ABHD6: variants seen among roughly 807,000 people sequenced by gnomAD.
ABHD6 encodes abhydrolase domain containing 6, acylglycerol lipase.
ABHD6 carries 33 observed loss-of-function variants against 38.8 expected under a neutral mutation model. That is an observed-to-expected ratio of 0.85 (90% CI 0.64 to 1.14). The LOEUF is 1.14. ABHD6 is among the 50% of genes most tolerant of loss of function. ABHD6 has a pLI of 0.00. For synonymous variants in ABHD6, 147 were observed against 161.6 expected, an observed-to-expected ratio of 0.91 and a Z score of 0.69; for missense variants, 380 against 422.6, an observed-to-expected ratio of 0.90 and a Z score of 0.88.
chr3:58,241,123 G>T (rs183141202), intron 1 of ABHD6, among the ~76,000 whole-genome samples: 1 of 152,154 alleles, frequency 6.6e-6, no homozygotes, highest in African/African-American at 2.4e-5. Flanking sequence ...GCTGCTAAAC[G>T]TCCTACGATG....
intron 9 of ABHD6, among the ~76,000 whole-genome samples, chr3:58,289,389 C>T (rs539819505): frequency 6.6e-6 from 1 of 151,056 alleles, no homozygotes; most frequent in Non-Finnish European, 1.5e-5. Context: ...AGGCCTTCCG[C>T]AGTGTTTGTG....
At position 58,293,623 on chromosome 3, in the gene ABHD6, A is replaced by T; in HGVS notation, c.872A>T (p.Lys291Met). 6.2e-7 allele frequency: 1 copy of T among 1,614,180 alleles called. No individual in the cohort carries two copies. Among genetic ancestry groups the T allele is most frequent in the Non-Finnish European group, 8.5e-7 (1 of 1,180,030 alleles). ...GTGTCTGGGGCAGACATGTTGGCCA[A>T]GTCAATTGCCAACTGCCAGGTGGAG... ...LDVSGADMLA[K>M]SIANCQVELL... Residue 291 changes from lysine (K) to methionine (M), a missense_variant, in exon 10 of 10, where the codon AAG becomes ATG. Lys to Met is a moderately conservative substitution (Grantham distance 95). Coordinates refer to ENST00000478253, the MANE Select transcript of ABHD6 (RefSeq NM_001320126.2). The surrounding 1 kb of genome is among the most constrained non-coding windows in gnomAD (Gnocchi z 4.4).
chr3:58,276,994 C>G (rs1246417398), intron 7 of ABHD6, among the ~76,000 whole-genome samples: 1 of 152,258 alleles, frequency 6.6e-6, no homozygotes, highest in South Asian at 2.1e-4. Flanking sequence ...TGTACCAGTA[C>G]CATGCTGTTT....
chr3:58,261,919 C>T (rs2097437260), intron 3 of ABHD6, among the ~76,000 whole-genome samples: 1 of 151,988 alleles, frequency 6.6e-6, no homozygotes, highest in Non-Finnish European at 1.5e-5. Flanking sequence ...TTTGCAATAG[C>T]GAAAAGATAG....
chr3:58,289,964 C>T (rs2097460607), intron 9 of ABHD6, among the ~76,000 whole-genome samples: 1 of 144,022 alleles, frequency 6.9e-6, no homozygotes, highest in Non-Finnish European at 1.5e-5. Flanking sequence ...CCTCACCTCC[C>T]GGACGAGGCG....
In ABHD6 at chr3:58,267,475, G is replaced by A. The variant is rs1559777328; in HGVS notation, c.276+130G>A. 5.8e-6 allele frequency: 7 copies of A among 1,197,100 alleles called. No individual in the cohort carries two copies. The highest frequency in any genetic ancestry group is 1.4e-5 in the South Asian group (1 of 73,834). 74.2% of individuals were successfully genotyped at this position (1,197,100 alleles called of 1,614,324 possible). A position where few individuals can be genotyped will look rare whatever the true frequency, so the allele number is the denominator to read the frequency against. On this transcript the variant is annotated intron_variant, in intron 4 of 9. Coordinates refer to ENST00000478253, the MANE Select transcript of ABHD6 (RefSeq NM_001320126.2). The surrounding 1 kb of genome is among the most constrained non-coding windows in gnomAD (Gnocchi z 4.3). ...AGTCCAGGAGTTCAAAACCAGCCTG[G>A]ACAACATAAAGAAACCCTGTCTCTA...
Position 58,267,794 on chromosome 3 carries a change from T to C in ABHD6, c.276+449T>C, listed in dbSNP as rs141145109. Among the ~76,000 whole-genome samples, 16 of 152,132 alleles carry C rather than the reference T, an allele frequency of 1.1e-4. No individual in the cohort carries two copies. The East Asian group carries it at 3.1e-3, about 29-fold the overall frequency. ...TCAAGTCATATTAGAACTAATGCAGTGTGGCCTGGCACAGTGGCTCATACC... is the reference window on the plus strand; with the variant it reads ...TCAAGTCATATTAGAACTAATGCAGCGTGGCCTGGCACAGTGGCTCATACC... On this transcript the variant is annotated intron_variant, in intron 4 of 9. Transcript: ENST00000478253. The surrounding 1 kb of genome is among the most constrained non-coding windows in gnomAD (Gnocchi z 4.3).
intron 7 of ABHD6, among the ~76,000 whole-genome samples, chr3:58,282,135 T>C (rs1202996348): frequency 6.6e-6 from 1 of 152,050 alleles, no homozygotes; most frequent in Non-Finnish European, 1.5e-5. Flanking sequence ...ATTAGGAAAG[T>C]AGTTTGACCT....
intron 3 of ABHD6, among the ~76,000 whole-genome samples, chr3:58,260,276 A>G (rs1332973054): frequency 2.0e-5 from 3 of 152,226 alleles, no homozygotes; most frequent in South Asian, 2.1e-4. Flanking sequence ...CCTGTCACCC[A>G]GCTCAGTGCC....
Position 58,274,641 on chromosome 3 carries a change from G to A in ABHD6, c.524-17G>A, listed in dbSNP as rs779242749. On this transcript the variant is annotated splice_polypyrimidine_tract_variant and intron_variant, in intron 6 of 9. Transcript: ENST00000478253. Reference sequence around the variant, plus strand: ...AGGTGGATGTATCATCAAGCCATTTGGGTTTGAATCCCACAGGCCTGCAGT... The same window carrying A: ...AGGTGGATGTATCATCAAGCCATTTAGGTTTGAATCCCACAGGCCTGCAGT... The A allele has an allele frequency of 1.2e-6, 2 of 1,610,114 alleles. No individual in the cohort carries two copies. The highest frequency in any genetic ancestry group is 2.7e-5 in the African/African-American group (2 of 74,912).
At chr3:58,277,122 T>C (rs564053456) in intron 7 of ABHD6, among the ~76,000 whole-genome samples, 3 of 152,324 alleles carry the variant, frequency 2.0e-5, no homozygotes, top group African/African-American at 4.8e-5. Flanking sequence ...CATATGAACT[T>C]TAAAGTAGTT....
At chr3:58,292,285 G>A (rs759937323) in intron 9 of ABHD6, among the ~76,000 whole-genome samples, 1 of 152,224 alleles carries the variant, frequency 6.6e-6, no homozygotes, top group Non-Finnish European at 1.5e-5. Flanking sequence ...GGTGAGAATA[G>A]AGCAAAGACA....
At chr3:58,248,195 A>C (rs2097427706) in intron 1 of ABHD6, among the ~76,000 whole-genome samples, 1 of 152,150 alleles carries the variant, frequency 6.6e-6, no homozygotes, top group Non-Finnish European at 1.5e-5. Flanking sequence ...CTGTCTCATT[A>C]TTTAAATGGT....
Position 58,266,192 on chromosome 3 carries a change from T to C in ABHD6, c.120-997T>C, listed in dbSNP as rs951859603. Among the ~76,000 whole-genome samples the C allele has an allele frequency of 6.6e-6, 1 of 152,196 alleles. No homozygotes were observed. Among genetic ancestry groups the C allele is most frequent in the Non-Finnish European group, 1.5e-5 (1 of 68,038 alleles). On this transcript the variant is annotated intron_variant, in intron 3 of 9. Transcript: ENST00000478253. The surrounding 1 kb of genome is among the most constrained non-coding windows in gnomAD (Gnocchi z 4.0). Reference sequence around the variant, plus strand: ...TGCGGTTTAACCAGCTGGACGTCTGTAACCCAAGCACTTTGGGAGGCCAAC... The same window carrying C: ...TGCGGTTTAACCAGCTGGACGTCTGCAACCCAAGCACTTTGGGAGGCCAAC...
In ABHD6 at chr3:58,259,276, T is replaced by C. The variant is rs2097435395; in HGVS notation, c.119+2571T>C. Among the ~76,000 whole-genome samples, 1 of 152,188 alleles carries C rather than the reference T, an allele frequency of 6.6e-6. No homozygotes were observed. Among genetic ancestry groups the C allele is most frequent in the Non-Finnish European group, 1.5e-5 (1 of 68,032 alleles). ...GAGAAGGCTTTCAGAGTAAGGGTGT[T>C]AGGGTAATTTTGATGTTTCATTTGT... On this transcript the variant is annotated intron_variant, in intron 3 of 9. Coordinates refer to ENST00000478253, the MANE Select transcript of ABHD6 (RefSeq NM_001320126.2). This position sits in a 1 kb window ranked among gnomAD's most constrained non-coding sequence, Gnocchi z 4.7.
At chr3:58,244,025 A>G (rs980091867) in intron 1 of ABHD6, among the ~76,000 whole-genome samples, 2 of 152,220 alleles carry the variant, frequency 1.3e-5, no homozygotes, top group Non-Finnish European at 2.9e-5. Context: ...GTTAAGTCCT[A>G]CTTCATCATC....
At chr3:58,271,162 G>T in intron 6 of ABHD6, 98 bp downstream of exon 6, 1 of 1,350,554 alleles carries the variant, frequency 7.4e-7, no homozygotes, top group African/African-American at 1.5e-5. Context: ...TCATCTTTTT[G>T]ATGTATGCTT....
intron 1 of ABHD6, among the ~76,000 whole-genome samples, chr3:58,246,008 A>T (rs924007883): frequency 1.3e-5 from 2 of 152,180 alleles, no homozygotes; most frequent in Non-Finnish European, 1.5e-5. Flanking sequence ...GCCATGTGGC[A>T]AATAGTCACT....
chr3:58,289,872 C>A (rs2097460458), intron 9 of ABHD6, among the ~76,000 whole-genome samples: 1 of 114,986 alleles, frequency 8.7e-6, no homozygotes, highest in South Asian at 2.5e-4. Context: ...GGGCTGACCC[C>A]CCCACCTCCC....
Sources: allele counts gnomAD v4.1 joint callset (sites outside exome capture counted in the v4.1 genomes callset), GRCh38; gene constraint gnomAD v4.1.1; non-coding constraint Gnocchi (gnomAD v3.1); transcripts MANE v1.5; gene names NCBI Gene and HGNC (gene_info 2026-07-23, HGNC 2026-07-21).